The following SLC25A13 variants were observed in gnomAD, a reference collection of about 807,000 sequenced individuals.
SLC25A13 encodes the protein electrogenic aspartate/glutamate antiporter SLC25A13, mitochondrial.
A neutral mutation model predicts 85.5 loss-of-function variants in SLC25A13; 70 were observed. The ratio of observed to expected loss-of-function variants is 0.82; its 90% CI spans 0.68 to 1.00. The LOEUF (loss-of-function observed/expected upper bound fraction) is 1.00. Among genes scored for constraint, SLC25A13 ranks in the 50% least tolerant of loss-of-function variants. The pLI is 0.00. For synonymous variants in SLC25A13, 259 were observed against 288.7 expected (o/e 0.90, Z 1.04); for missense variants, 765 against 819.8 (o/e 0.93, Z 0.82).
chr7:96,247,166 G>T (rs1486885669), intron 3 of SLC25A13, among the ~76,000 whole-genome samples: 1 of 152,136 alleles, frequency 6.6e-6, no homozygotes, highest in Admixed American at 6.5e-5. Context: ...GCAGTTGCCT[G>T]GGTAACACAT....
intron 14 of SLC25A13, among the ~76,000 whole-genome samples, chr7:96,132,680 T>C (rs1449831819): frequency 6.6e-6 from 1 of 152,184 alleles, no homozygotes; most frequent in East Asian, 1.9e-4. Context: ...GTAGGGTGAA[T>C]AGGAAGGAAA....
intron 3 of SLC25A13, among the ~76,000 whole-genome samples, chr7:96,262,810 A>C (rs1171683222): frequency 6.6e-6 from 1 of 152,206 alleles, no homozygotes. Flanking sequence ...TCGAAATGCT[A>C]GTTCCACCAC....
At chr7:96,148,354 G>A (rs994223071) in intron 13 of SLC25A13, among the ~76,000 whole-genome samples, 5 of 152,184 alleles carry the variant, frequency 3.3e-5, no homozygotes, top group Non-Finnish European at 5.9e-5. Context: ...TGCTGCTGCT[G>A]CAACCTGCAG....
At chr7:96,196,856 C>A (rs1284703037) in intron 5 of SLC25A13, among the ~76,000 whole-genome samples, 1 of 152,170 alleles carries the variant, frequency 6.6e-6, no homozygotes. Context: ...TTTCTCCTTC[C>A]GGGTGAAGAA....
chr7:96,298,500 C>G (rs1799433229), intron 1 of SLC25A13, among the ~76,000 whole-genome samples: 1 of 151,826 alleles, frequency 6.6e-6, no homozygotes, highest in South Asian at 2.1e-4. Context: ...ATGATGCAGT[C>G]TTAGCTCACT....
At chr7:96,155,766 G>A (rs1265545370) in intron 13 of SLC25A13, among the ~76,000 whole-genome samples, 1 of 152,180 alleles carries the variant, frequency 6.6e-6, no homozygotes, top group Non-Finnish European at 1.5e-5. Context: ...CACGTGTCAA[G>A]CACTTCTGAT....
At chr7:96,202,009 A>G (rs901892490) in intron 5 of SLC25A13, among the ~76,000 whole-genome samples, 10 of 152,200 alleles carry the variant, frequency 6.6e-5, no homozygotes, top group Non-Finnish European at 1.5e-5. Flanking sequence ...TCTACTCTCT[A>G]GGGCTCAGGA....
At position 96,277,509 on chromosome 7, in the gene SLC25A13, C is replaced by T. The variant is rs73235936; in HGVS notation, c.70-171G>A. On this transcript the variant is annotated intron_variant, in intron 2 of 17. Transcript: ENST00000265631. ...CCAACAGTTCAAAGAAAAAACAAGT[C>T]AAGTTTTATGTTTATAAACTTAACT... Among the ~76,000 whole-genome samples, 974 of 152,230 alleles carry T rather than the reference C, an allele frequency of 6.4e-3. 2 individuals carry two copies. The highest frequency in any genetic ancestry group is 0.012 in the Non-Finnish European group (788 of 68,022).
chr7:96,269,219 G>A (rs1401232491), intron 3 of SLC25A13, among the ~76,000 whole-genome samples: 1 of 152,190 alleles, frequency 6.6e-6, no homozygotes, highest in East Asian at 1.9e-4. Context: ...TCAGAGAGAA[G>A]CTCCAACATG....
At chr7:96,298,703 G>A (rs1239932634) in intron 1 of SLC25A13, among the ~76,000 whole-genome samples, 2 of 152,204 alleles carry the variant, frequency 1.3e-5, no homozygotes, top group African/African-American at 4.8e-5. Context: ...AAAACGCTGG[G>A]ATTACAGGCA....
At chr7:96,321,895 G>A (rs1352953982) in intron 1 of SLC25A13, 47 bp downstream of exon 1, 2 of 1,521,682 alleles carry the variant, frequency 1.3e-6, no homozygotes, top group South Asian at 1.2e-5. Flanking sequence ...CGCACCCCCA[G>A]GCTGATCCGG....
At chr7:96,213,808 CA>C (rs1360337945) in intron 4 of SLC25A13, among the ~76,000 whole-genome samples, 4 of 152,082 alleles carry the variant, frequency 2.6e-5, no homozygotes, top group African/African-American at 7.2e-5. Flanking sequence ...GGCAAAGAAA[CA>C]AAACTAATTA....
chr7:96,141,003 CCTTTCTTTTTT>C lies in SLC25A13; in HGVS notation c.1452+5542_1452+5552del, dbSNP rs1368408847. ...TGATGTCATATTAATTTTGCGCATT[CCTTTCTTTTTT>C]CTTTCTTTTTTTTTTTTTTTTTTAG... On this transcript the variant is annotated intron_variant, in intron 14 of 17. Transcript: ENST00000265631. Among the ~76,000 whole-genome samples, 382 of 148,796 alleles carry C rather than the reference CCTTTCTTTTTT, an allele frequency of 2.6e-3. 1 individual carries two copies. Among genetic ancestry groups the C allele is most frequent in the African/African-American group, 8.7e-3 (351 of 40,486 alleles).
At chr7:96,171,076 T>C (rs376191027) in intron 12 of SLC25A13, among the ~76,000 whole-genome samples, 15 of 152,222 alleles carry the variant, frequency 9.9e-5, no homozygotes, top group East Asian at 5.8e-4. Flanking sequence ...CTCCCACTCA[T>C]GATTTGTGTG....
At chr7:96,192,684 A>T (rs1381131707) in intron 6 of SLC25A13, among the ~76,000 whole-genome samples, 23 of 143,460 alleles carry the variant, frequency 1.6e-4, no homozygotes, top group Non-Finnish European at 2.1e-4. Context: ...CATGTGCACT[A>T]TTTTTTTTTT....
chr7:96,296,983 T>C, intron 1 of SLC25A13, 32 bp from the exon 2 acceptor site: 1 of 1,570,316 alleles, frequency 6.4e-7, no homozygotes, highest in South Asian at 1.1e-5. Flanking sequence ...TTTATGTTAT[T>C]ACAACAAAGC....
chr7:96,191,103 A>ACTCAC lies in SLC25A13; in HGVS notation c.754+1_754+5dup. The ACTCAC allele has an allele frequency of 6.2e-7, 1 of 1,613,946 alleles. No individual in the cohort carries two copies. On this transcript the variant is annotated splice_donor_region_variant and intron_variant, in intron 7 of 17. Transcript: ENST00000265631. ...CAGGCTAGAATTCAGATATATTCTC[A>ACTCAC]CTCACCCTTAGTCACTTCAACATCT...
chr7:96,121,057 A>G lies in SLC25A13; in HGVS notation c.*134T>C, dbSNP rs1342789939. 2 of 946,282 alleles carry G rather than the reference A, an allele frequency of 2.1e-6. No individual in the cohort carries two copies. The highest frequency in any genetic ancestry group is 1.4e-5 in the South Asian group (1 of 73,186). The allele number at this position is 946,282 out of a possible 1,614,324, so 58.6% of individuals were successfully genotyped here. ...ACACCCAGAAAATGAATGATTTCACATGATAAAAAAGCCTGGACTTGAATT... is the reference window on the plus strand; with the variant it reads ...ACACCCAGAAAATGAATGATTTCACGTGATAAAAAAGCCTGGACTTGAATT... On this transcript the variant is annotated 3_prime_UTR_variant, in exon 18 of 18. Coordinates refer to ENST00000265631, the MANE Select transcript of SLC25A13 (RefSeq NM_014251.3).
intron 4 of SLC25A13, among the ~76,000 whole-genome samples, chr7:96,229,953 G>A (rs1796474168): frequency 6.6e-6 from 1 of 152,158 alleles, no homozygotes; most frequent in Admixed American, 6.5e-5. Flanking sequence ...ATTTTAGCAA[G>A]CTCTACTGAA....
Sources: gnomAD v4.1 joint callset for allele counts (sites outside exome capture counted in the v4.1 genomes callset) on GRCh38, gnomAD v4.1.1 for gene constraint, MANE v1.5 for transcripts, NCBI Gene and HGNC (gene_info 2026-07-23, HGNC 2026-07-21) for gene names.